The following COG5 variants were observed in gnomAD, a reference collection of about 807,000 sequenced individuals.
The protein encoded by COG5 is component of oligomeric golgi complex 5.
In COG5, 86 loss-of-function variants were observed where a neutral mutation model predicts 110.4. The ratio of observed to expected loss-of-function variants is 0.78; its 90% CI spans 0.65 to 0.93. The LOEUF (loss-of-function observed/expected upper bound fraction) is 0.93, where lower values mean the gene tolerates loss of function less well. Ranked by LOEUF, COG5 falls within the 40% of genes least tolerant of loss-of-function variation. The probability of loss-of-function intolerance (pLI) is 0.00; values close to 1 mark genes in which losing one functional copy is unlikely to be tolerated. For synonymous variants in COG5, 360 were observed against 334.6 expected, an observed-to-expected ratio of 1.08 and a Z score of -0.83; for missense variants, 1,077 against 987.0, an observed-to-expected ratio of 1.09 and a Z score of -1.22.
chr7:107,492,446 C>G (rs1270924546), intron 6 of COG5, among the ~76,000 whole-genome samples: 1 of 152,026 alleles, frequency 6.6e-6, no homozygotes, highest in Admixed American at 6.6e-5. Flanking sequence ...AAGCTAAAAC[C>G]AAGATGTTTC....
At chr7:107,235,814 G>C (rs1801144053) in intron 18 of COG5, among the ~76,000 whole-genome samples, 1 of 152,122 alleles carries the variant, frequency 6.6e-6, no homozygotes, top group Non-Finnish European at 1.5e-5. Flanking sequence ...CCTACTGAAA[G>C]GCTTTAAAAA....
At chr7:107,253,751 C>T (rs1178147222) in intron 16 of COG5, among the ~76,000 whole-genome samples, 1 of 152,134 alleles carries the variant, frequency 6.6e-6, no homozygotes, top group African/African-American at 2.4e-5. Context: ...CTCTCACTCA[C>T]TCTGCTCCAG....
At chr7:107,508,829 A>G (rs374892450) in intron 6 of COG5, among the ~76,000 whole-genome samples, 1 of 152,202 alleles carries the variant, frequency 6.6e-6, no homozygotes, top group Admixed American at 6.5e-5. Context: ...GACCTGTAGC[A>G]GAGGGTCCTG....
In COG5 at chr7:107,385,622, G is replaced by A. The variant is rs564562829; in HGVS notation, c.670-12862C>T. On this transcript the variant is annotated intron_variant, in intron 7 of 21. Coordinates refer to ENST00000297135, the MANE Select transcript of COG5 (RefSeq NM_006348.5). ...AGCCAGTCAAAAAAAGACAAATAAT[G>A]TATGATTCCACTTAACATGAGGTAC... is the stretch of plus-strand genomic sequence containing the variant. Among the ~76,000 whole-genome samples the A allele has an allele frequency of 2.3e-3, 354 of 152,230 alleles. 1 individual carries two copies. Among genetic ancestry groups the A allele is most frequent in the Non-Finnish European group, 3.8e-3 (258 of 68,022 alleles).
At chr7:107,554,499 G>A (rs1396102894) in intron 2 of COG5, among the ~76,000 whole-genome samples, 157 bp from the exon 3 acceptor site, 1 of 152,212 alleles carries the variant, frequency 6.6e-6, no homozygotes, top group Non-Finnish European at 1.5e-5. Context: ...GAGATGAGTT[G>A]TAAGCGGGAA....
At chr7:107,457,219 C>A (rs1795717149) in intron 6 of COG5, among the ~76,000 whole-genome samples, 1 of 86,862 alleles carries the variant, frequency 1.2e-5, no homozygotes, top group Admixed American at 9.5e-5. Flanking sequence ...ATAAAACTTT[C>A]CAGGCTGAAA....
intron 6 of COG5, among the ~76,000 whole-genome samples, chr7:107,434,208 C>T (rs1445838568): frequency 6.6e-6 from 1 of 152,152 alleles, no homozygotes; most frequent in Non-Finnish European, 1.5e-5. Flanking sequence ...AACCTTTGTG[C>T]ATTGTGTCTA....
chr7:107,249,964 A>G (rs532335591), intron 16 of COG5, among the ~76,000 whole-genome samples: 1 of 152,230 alleles, frequency 6.6e-6, no homozygotes, highest in East Asian at 1.9e-4. Context: ...ATGGAGTATA[A>G]GTGCCTGGAA....
At chr7:107,340,079 C>A (rs190052180) in intron 10 of COG5, among the ~76,000 whole-genome samples, 35 of 151,616 alleles carry the variant, frequency 2.3e-4, no homozygotes, top group South Asian at 4.2e-4. Flanking sequence ...ATTAATAAAA[C>A]CAAAAATTGG....
chr7:107,275,003 G>C (rs1459191126), intron 14 of COG5, among the ~76,000 whole-genome samples: 1 of 152,074 alleles, frequency 6.6e-6, no homozygotes, highest in Non-Finnish European at 1.5e-5. Context: ...TGTTGCCCCA[G>C]CTAGTCTTGG....
At chr7:107,412,441 C>A in intron 7 of COG5, 61 bp downstream of exon 7, 1 of 1,526,554 alleles carries the variant, frequency 6.6e-7, no homozygotes, top group Non-Finnish European at 9.0e-7. Flanking sequence ...AACTCAAAGT[C>A]AAATGTTCAC....
intron 6 of COG5, among the ~76,000 whole-genome samples, chr7:107,507,537 G>C (rs1173758336): frequency 6.8e-6 from 1 of 147,784 alleles, no homozygotes; most frequent in Non-Finnish European, 1.5e-5. Flanking sequence ...TTGATCTCCA[G>C]ACCTCGTGAT....
chr7:107,249,123 T>C (rs1584571266), intron 16 of COG5, among the ~76,000 whole-genome samples: 1 of 152,290 alleles, frequency 6.6e-6, no homozygotes, highest in Middle Eastern at 3.4e-3. Context: ...TCCAGAACAA[T>C]GTTTCTAATA....
chr7:107,208,019 G>A (rs1798900127), intron 21 of COG5: 11 of 985,220 alleles, frequency 1.1e-5, no homozygotes, highest in Non-Finnish European at 1.3e-5. Context: ...ACTCACCCTC[G>A]GTTTGTCTAC....
chr7:107,475,349 T>C (rs773288364), intron 6 of COG5: 12 of 1,507,212 alleles, frequency 8.0e-6, no homozygotes, highest in Admixed American at 2.2e-5. Context: ...GTGCCTCAGG[T>C]TGTCACAGAC....
chr7:107,467,571 C>T (rs1399037706), intron 6 of COG5, among the ~76,000 whole-genome samples: 2 of 151,984 alleles, frequency 1.3e-5, no homozygotes, highest in Admixed American at 6.6e-5. Context: ...AGACTGGTCT[C>T]GAACTCCTGA....
chr7:107,207,153 T>C (rs1289091669), intron 21 of COG5, among the ~76,000 whole-genome samples: 1 of 152,242 alleles, frequency 6.6e-6, no homozygotes, highest in African/African-American at 2.4e-5. Flanking sequence ...ATAAATGACT[T>C]AAAGATACAC....
intron 6 of COG5, chr7:107,475,061 C>A (rs757336057): frequency 1.2e-6 from 2 of 1,612,954 alleles, no homozygotes; most frequent in South Asian, 2.2e-5. Context: ...GTTTTAAATA[C>A]CACCATTTTA....
intron 21 of COG5, among the ~76,000 whole-genome samples, chr7:107,207,413 C>A (rs1798863565): frequency 6.6e-6 from 1 of 152,148 alleles, no homozygotes; most frequent in Non-Finnish European, 1.5e-5. Context: ...ATGCACATGG[C>A]ACCAAGCATT....
Sources: gnomAD v4.1 joint callset for allele counts (sites outside exome capture counted in the v4.1 genomes callset) on GRCh38, gnomAD v4.1.1 for gene constraint, MANE v1.5 for transcripts, NCBI Gene and HGNC (gene_info 2026-07-23, HGNC 2026-07-21) for gene names.